Variants in COL23A1 observed in about 807,000 individuals in gnomAD.
COL23A1 encodes collagen alpha-1(XXIII) chain.
In COL23A1, 97 loss-of-function variants were observed where a neutral mutation model predicts 99.3. The ratio of observed to expected loss-of-function variants is 0.98; its 90% CI spans 0.83 to 1.16. The LOEUF is 1.16. Ranked by LOEUF, COL23A1 falls within the 50% of genes most tolerant of loss-of-function variation. The pLI is 0.00. For missense variants in COL23A1, 762 were observed against 757.4 expected, an observed-to-expected ratio of 1.01 and a Z score of -0.07; for synonymous variants, 320 against 308.2, an observed-to-expected ratio of 1.04 and a Z score of -0.40.
chr5:178,346,682 T>C (rs1760990904), intron 2 of COL23A1, among the ~76,000 whole-genome samples: 1 of 152,242 alleles, frequency 6.6e-6, no homozygotes, highest in Non-Finnish European at 1.5e-5. Flanking sequence ...TGGTTGCCTG[T>C]AGATGCTGAA....
intron 2 of COL23A1, among the ~76,000 whole-genome samples, chr5:178,498,255 T>TATATATAA (rs1340447435): frequency 3.0e-4 from 21 of 70,872 alleles, no homozygotes; most frequent in African/African-American, 8.9e-4. Context: ...TATATATATA[T>TATATATAA]ATAAAAGAAC....
intron 5 of COL23A1, 39 bp downstream of exon 5, chr5:178,288,285 A>G (rs1757264950): frequency 6.6e-7 from 1 of 1,505,086 alleles, no homozygotes; most frequent in Admixed American, 1.8e-5. Flanking sequence ...GGTTTAAGAG[A>G]AAAGGGTGAA....
rs535288899 is a variant in COL23A1 at position 178,355,488 on chromosome 5, CTATAAAGAACTACCGAAGGCTGAGTAATT to C, written c.362-48598_362-48570del. 4.6e-4 allele frequency among the ~76,000 whole-genome samples: 70 copies of C among 152,296 alleles called. 2 individuals carry two copies. In the South Asian group the frequency reaches 7.2e-3, roughly 16 times the overall value. On this transcript the variant is annotated intron_variant, in intron 2 of 28. Transcript: ENST00000390654. ...AGTATATTAGTCTGTTCTCGCATTG[CTATAAAGAACTACCGAAGGCTGAGTAATT>C]TATAAAGAAAAGAGGTTTGTTTTTA...
intron 2 of COL23A1, among the ~76,000 whole-genome samples, chr5:178,548,950 A>C (rs1761861132): frequency 6.6e-6 from 1 of 152,202 alleles, no homozygotes; most frequent in Admixed American, 6.5e-5. Context: ...GCTCCATTGT[A>C]GAAACGACAG....
chr5:178,452,187 C>A (rs971778201), intron 2 of COL23A1, among the ~76,000 whole-genome samples: 4 of 151,936 alleles, frequency 2.6e-5, no homozygotes, highest in Non-Finnish European at 5.9e-5. Flanking sequence ...ATAAAATGTC[C>A]AAAAGTAGAC....
intron 3 of COL23A1, 126 bp from the exon 4 acceptor site, chr5:178,290,495 T>G: frequency 1.6e-6 from 2 of 1,258,950 alleles, no homozygotes; most frequent in Non-Finnish European, 2.3e-6. Flanking sequence ...AAGGCTTTGA[T>G]GCTGCCATGG....
intron 2 of COL23A1, among the ~76,000 whole-genome samples, chr5:178,312,321 C>T (rs1367824884): frequency 1.3e-5 from 2 of 152,208 alleles, no homozygotes; most frequent in Admixed American, 1.3e-4. Context: ...GCCAGGGCTC[C>T]AGCTCGTTGC....
intron 6 of COL23A1, among the ~76,000 whole-genome samples, chr5:178,269,625 TTCATCCAC>T (rs1756162219): frequency 1.6e-5 from 2 of 123,690 alleles, no homozygotes; most frequent in Non-Finnish European, 1.7e-5. Context: ...CATCCATCCA[TTCATCCAC>T]CCATCCACTC....
At chr5:178,349,277 C>T (rs1761168108) in intron 2 of COL23A1, among the ~76,000 whole-genome samples, 1 of 152,140 alleles carries the variant, frequency 6.6e-6, no homozygotes, top group African/African-American at 2.4e-5. Flanking sequence ...TGAGGGGAAC[C>T]AGAGCTGAAA....
At chr5:178,339,998 T>C (rs1253214735) in intron 2 of COL23A1, among the ~76,000 whole-genome samples, 1 of 151,512 alleles carries the variant, frequency 6.6e-6, no homozygotes, top group African/African-American at 2.4e-5. Flanking sequence ...GTGGGATGGG[T>C]GGGTGGCGGG....
chr5:178,517,728 A>G (rs1293332138), intron 2 of COL23A1, among the ~76,000 whole-genome samples: 2 of 124,850 alleles, frequency 1.6e-5, no homozygotes, highest in African/African-American at 5.1e-5. Flanking sequence ...CGCCAAGCTA[A>G]TTTTTGTATG....
At chr5:178,531,276 T>C (rs1057138458) in intron 2 of COL23A1, among the ~76,000 whole-genome samples, 8 of 152,156 alleles carry the variant, frequency 5.3e-5, no homozygotes, top group African/African-American at 1.7e-4. Flanking sequence ...ACTCTCCCAT[T>C]TGAGGGATGG....
intron 2 of COL23A1, among the ~76,000 whole-genome samples, chr5:178,360,834 C>A (rs968689597): frequency 6.6e-6 from 1 of 152,220 alleles, no homozygotes; most frequent in African/African-American, 2.4e-5. Flanking sequence ...GCTCCACGTC[C>A]CTGGGCGGGC....
chr5:178,320,574 C>T (rs1322747318), intron 2 of COL23A1, among the ~76,000 whole-genome samples: 7 of 152,162 alleles, frequency 4.6e-5, no homozygotes, highest in South Asian at 4.1e-4. Context: ...TGGAGGAGCC[C>T]GAGGGTGAAA....
At chr5:178,553,637 G>A (rs1562084144) in intron 2 of COL23A1, among the ~76,000 whole-genome samples, 1 of 152,224 alleles carries the variant, frequency 6.6e-6, no homozygotes, top group Non-Finnish European at 1.5e-5. Context: ...TTAGTAACAA[G>A]TGCAAACAGC....
intron 18 of COL23A1, among the ~76,000 whole-genome samples, chr5:178,249,712 A>ACTCTCTCTCTCTCT (rs1425842167): frequency 1.1e-5 from 1 of 90,562 alleles, no homozygotes; most frequent in Admixed American, 1.2e-4. Context: ...ACACACACAC[A>ACTCTCTCTCTCTCT]CACACTCTCT....
At chr5:178,285,113 T>C (rs1055608109) in intron 5 of COL23A1, among the ~76,000 whole-genome samples, 1 of 152,206 alleles carries the variant, frequency 6.6e-6, no homozygotes, top group Non-Finnish European at 1.5e-5. Flanking sequence ...CGGGCCCTTG[T>C]CGGCTCTGAC....
intron 27 of COL23A1, among the ~76,000 whole-genome samples, chr5:178,240,680 A>G (rs1764347869): frequency 6.6e-6 from 1 of 152,052 alleles, no homozygotes; most frequent in African/African-American, 2.4e-5. Flanking sequence ...TCCTTTTCTC[A>G]TTGACTTCTC....
intron 5 of COL23A1, among the ~76,000 whole-genome samples, chr5:178,286,479 T>G (rs2913835): frequency 0.59 from 90,347 of 152,114 alleles, 28,797 homozygotes; most frequent in Non-Finnish European, 0.73. Flanking sequence ...CTCAGCTTCG[T>G]CTTTAATTCC....
Sources: allele counts gnomAD v4.1 joint callset (sites outside exome capture counted in the v4.1 genomes callset), GRCh38; gene constraint gnomAD v4.1.1; transcripts MANE v1.5; gene names NCBI Gene and HGNC (gene_info 2026-07-23, HGNC 2026-07-21).